The following THNSL1 variants were observed in gnomAD, a reference collection of about 807,000 sequenced individuals.
THNSL1 encodes the protein threonine synthase-like 1.
THNSL1 carries 48 observed loss-of-function variants against 50.4 expected under a neutral mutation model. The ratio of observed to expected loss-of-function variants is 0.95; its 90% CI spans 0.76 to 1.21. The LOEUF is 1.21. Ranked by LOEUF, THNSL1 falls within the 50% of genes most tolerant of loss-of-function variation. The pLI, the probability that THNSL1 is intolerant of heterozygous loss-of-function variation, is 0.00. For missense variants in THNSL1, 896 were observed against 871.7 expected, an observed-to-expected ratio of 1.03 and a Z score of -0.35; for synonymous variants, 309 against 306.1, an observed-to-expected ratio of 1.01 and a Z score of -0.10.
the THNSL1 span, among the ~76,000 whole-genome samples, chr10:25,009,023 G>A: frequency 8.5e-5 from 13 of 152,144 alleles, no homozygotes; most frequent in South Asian, 2.1e-3. Flanking sequence ...ACCAAACACC[G>A]CATGTTCTCA....
the THNSL1 span, among the ~76,000 whole-genome samples, chr10:25,007,689 C>T: frequency 6.6e-6 from 1 of 152,134 alleles, no homozygotes; most frequent in Non-Finnish European, 1.5e-5. Flanking sequence ...CTGCCTCGGC[C>T]TCCCAAAGTG....
At chr10:25,006,523 G>A in the THNSL1 span, among the ~76,000 whole-genome samples, 2 of 152,242 alleles carry the variant, frequency 1.3e-5, no homozygotes, top group South Asian at 2.1e-4. Context: ...AGTCAAATTT[G>A]TTTCAGACTT....
upstream of THNSL1, among the ~76,000 whole-genome samples, chr10:25,012,386 A>C (rs1850467020): frequency 6.6e-6 from 1 of 152,178 alleles, no homozygotes; most frequent in South Asian, 2.1e-4. Context: ...ATCCACTGAG[A>C]GCATGCACCA....
the THNSL1 span, among the ~76,000 whole-genome samples, chr10:24,960,484 T>G: frequency 6.6e-6 from 1 of 152,056 alleles, no homozygotes; most frequent in African/African-American, 2.4e-5. Flanking sequence ...CTGGAGTGCA[T>G]GGAGCAATCT....
At chr10:24,964,810 C>A in the THNSL1 span, among the ~76,000 whole-genome samples, 1 of 152,184 alleles carries the variant, frequency 6.6e-6, no homozygotes, top group South Asian at 2.1e-4. Flanking sequence ...CGCCTGTAAT[C>A]CTAGCACTTT....
At chr10:24,997,451 A>G in the THNSL1 span, among the ~76,000 whole-genome samples, 2 of 150,816 alleles carry the variant, frequency 1.3e-5, no homozygotes, top group East Asian at 3.9e-4. Context: ...CAGTGATGCA[A>G]TCATAGCTCA....
chr10:24,955,674 A>G, the THNSL1 span, among the ~76,000 whole-genome samples: 1 of 152,236 alleles, frequency 6.6e-6, no homozygotes, highest in Admixed American at 6.5e-5. Context: ...GCTAGGCACC[A>G]TGGCTCACAC....
Position 25,025,217 on chromosome 10 carries a change from C to T in THNSL1, c.1994C>T (p.Thr665Ile). The change falls in exon 3 of 3, where the codon ACA (threonine) becomes ATA (isoleucine). Residue 665 changes from threonine (T) to isoleucine (I), a missense_variant. Transcript: ENST00000376356. Reference protein sequence around the residue: ...DKTCPVIISSTAHYSKFAPAI... With the variant: ...DKTCPVIISSIAHYSKFAPAI... ...ACTTGCCCTGTGATTATCTCATCTA[C>T]AGCCCATTACTCAAAGTTTGCACCT... The T allele has an allele frequency of 6.2e-7, 1 of 1,614,198 alleles. No individual in the cohort carries two copies.
Position 25,023,865 on chromosome 10 carries a change from CAA to C in THNSL1, c.644_645del (p.Lys215SerfsTer6). On this transcript the variant is annotated frameshift_variant, in exon 3 of 3. Transcript: ENST00000376356. LOFTEE classifies it high-confidence loss of function. ...GGGCTTCCCCAGAGGAGGTAGCTGA[CAA>C]AGTGCTGAATGCAATTAAAAGATAC... ...SGASPEEVAD[K>X]VLNAIKRYQD... 6.2e-7 allele frequency: 1 copy of C among 1,614,136 alleles called. No individual in the cohort carries two copies. Among genetic ancestry groups the C allele is most frequent in the Non-Finnish European group, 8.5e-7 (1 of 1,180,000 alleles).
chr10:24,969,641 C>T, the THNSL1 span, among the ~76,000 whole-genome samples: 8 of 150,920 alleles, frequency 5.3e-5, no homozygotes, highest in South Asian at 2.1e-4. Flanking sequence ...AGTTTCAAAA[C>T]GGCTACTTAA....
chr10:25,013,214 G>A (rs946020727), upstream of THNSL1, among the ~76,000 whole-genome samples: 3 of 152,184 alleles, frequency 2.0e-5, no homozygotes, highest in African/African-American at 7.2e-5. Context: ...CCAGTCTCGA[G>A]TATGTCTTTA....
At chr10:24,995,496 A>G in the THNSL1 span, 2 of 681,722 alleles carry the variant, frequency 2.9e-6, no homozygotes, top group South Asian at 2.4e-5. Flanking sequence ...TTACATTTGG[A>G]CCAAACACAG....
the THNSL1 span, among the ~76,000 whole-genome samples, chr10:24,958,539 G>A: frequency 1.3e-5 from 2 of 152,172 alleles, no homozygotes; most frequent in African/African-American, 4.8e-5. Context: ...TTAAGCAAAG[G>A]CCTCATTAGT....
At chr10:24,960,769 T>A in the THNSL1 span, among the ~76,000 whole-genome samples, 2 of 149,032 alleles carry the variant, frequency 1.3e-5, no homozygotes, top group Admixed American at 6.6e-5. Flanking sequence ...TGTTTTTTTT[T>A]AATGGAGACA....
intron 2 of THNSL1, among the ~76,000 whole-genome samples, chr10:25,022,142 G>T (rs763955005): frequency 3.3e-5 from 5 of 152,114 alleles, no homozygotes; most frequent in Non-Finnish European, 5.9e-5. Flanking sequence ...CATTGCACAG[G>T]TATTATACTG....
Position 25,021,899 on chromosome 10 carries a change from A to G in THNSL1, c.-58A>G, listed in dbSNP as rs1406145171. Reference sequence around the variant, plus strand: ...ATGAATTACCTCCCTTGACGGCTCTAATTTTACTTGTAAGTTAAATTCAGA... The same window carrying G: ...ATGAATTACCTCCCTTGACGGCTCTGATTTTACTTGTAAGTTAAATTCAGA... On this transcript the variant is annotated 5_prime_UTR_variant, in exon 2 of 3. Coordinates refer to ENST00000376356, the MANE Select transcript of THNSL1 (RefSeq NM_024838.5). The G allele has an allele frequency of 6.6e-6, 1 of 152,212 alleles. No homozygotes were observed. The highest frequency in any genetic ancestry group is 1.9e-4 in the East Asian group (1 of 5,200). 9.4% of individuals were successfully genotyped at this position (152,212 alleles called of 1,614,324 possible). A position where few individuals can be genotyped will look rare whatever the true frequency, so the allele number is the denominator to read the frequency against.
At chr10:24,975,048 G>T in the THNSL1 span, among the ~76,000 whole-genome samples, 1 of 152,102 alleles carries the variant, frequency 6.6e-6, no homozygotes, top group African/African-American at 2.4e-5. Context: ...AAAAGCCAGG[G>T]AATTTGTTTT....
the THNSL1 span, among the ~76,000 whole-genome samples, chr10:24,973,746 A>G: frequency 2.0e-5 from 3 of 152,034 alleles, no homozygotes; most frequent in Non-Finnish European, 2.9e-5. Context: ...TTGATTTAAG[A>G]TAATGATAAC....
chr10:24,964,698 G>C, the THNSL1 span, among the ~76,000 whole-genome samples: 2,212 of 152,290 alleles, frequency 0.015, 34 homozygotes, highest in Non-Finnish European at 0.022. Flanking sequence ...CCACAGTAAT[G>C]ATATTTTAAA....
Sources: gnomAD v4.1 joint callset for allele counts (sites outside exome capture counted in the v4.1 genomes callset) on GRCh38, gnomAD v4.1.1 for gene constraint, MANE v1.5 for transcripts, NCBI Gene and HGNC (gene_info 2026-07-23, HGNC 2026-07-21) for gene names.